Variants in SKAP2 observed in about 807,000 individuals in gnomAD.
SKAP2 encodes src kinase associated phosphoprotein 2.
SKAP2 carries 28 observed loss-of-function variants against 54.9 expected under a neutral mutation model. The observed-to-expected ratio is 0.51, with a 90% CI of 0.38 to 0.70. SKAP2 has a LOEUF of 0.70. SKAP2 is among the 30% of genes least tolerant of loss of function. The probability of loss-of-function intolerance (pLI) is 0.00; values close to 1 mark genes in which losing one functional copy is unlikely to be tolerated. For synonymous variants in SKAP2, 137 were observed against 134.3 expected, an observed-to-expected ratio of 1.02 and a Z score of -0.14; for missense variants, 356 against 424.1, an observed-to-expected ratio of 0.84 and a Z score of 1.41.
At chr7:26,848,761 A>G (rs897122712) in intron 3 of SKAP2, among the ~76,000 whole-genome samples, 2 of 152,222 alleles carry the variant, frequency 1.3e-5, no homozygotes, top group Admixed American at 6.5e-5. Context: ...ATACATAATT[A>G]AGCATTTAAC....
At chr7:26,861,553 C>T (rs190663077) in intron 1 of SKAP2, among the ~76,000 whole-genome samples, 22 of 150,124 alleles carry the variant, frequency 1.5e-4, no homozygotes, top group Admixed American at 2.7e-4. Flanking sequence ...AAAAATCAAA[C>T]TAGATAGCCA....
rs1189497136 is a variant in SKAP2, at chr7:26,851,247, G to A, written c.199+2890C>T. Among the ~76,000 whole-genome samples the A allele has an allele frequency of 6.0e-5, 6 of 99,748 alleles. No individual in the cohort carries two copies. The South Asian group carries it at 1.6e-3, about 27-fold the overall frequency. The allele number at this position is 99,748 out of a possible 152,430, so 65.4% of individuals were successfully genotyped here. Reference sequence around the variant, plus strand: ...AGTCTGTGACACGTGGCGAAACCCCGTTTTTACCAAAAAAAAAAAAAAAAA... The same window carrying A: ...AGTCTGTGACACGTGGCGAAACCCCATTTTTACCAAAAAAAAAAAAAAAAA... On this transcript the variant is annotated intron_variant, in intron 3 of 12. Transcript: ENST00000345317.
intron 4 of SKAP2, among the ~76,000 whole-genome samples, chr7:26,784,090 T>A (rs1018587448): frequency 6.6e-6 from 1 of 150,980 alleles, no homozygotes; most frequent in Non-Finnish European, 1.5e-5. Context: ...CCATCTCCAG[T>A]TAGGGAGGCA....
intron 9 of SKAP2, among the ~76,000 whole-genome samples, chr7:26,700,391 C>T (rs1214550430): frequency 6.6e-6 from 1 of 152,030 alleles, no homozygotes. Context: ...TCTTTATAGC[C>T]CATTAACTAT....
At chr7:26,834,263 C>T (rs764083112) in intron 4 of SKAP2, among the ~76,000 whole-genome samples, 31 of 152,156 alleles carry the variant, frequency 2.0e-4, no homozygotes, top group Non-Finnish European at 3.4e-4. Flanking sequence ...AATTGACAAC[C>T]TAACATCACA....
chr7:26,859,811 T>C (rs1006634879), intron 1 of SKAP2, among the ~76,000 whole-genome samples: 1 of 152,218 alleles, frequency 6.6e-6, no homozygotes, highest in Non-Finnish European at 1.5e-5. Context: ...GCATCTATTG[T>C]AATGTGTTCA....
At chr7:26,782,328 C>T (rs1385506461) in intron 4 of SKAP2, among the ~76,000 whole-genome samples, 4 of 152,172 alleles carry the variant, frequency 2.6e-5, no homozygotes, top group Admixed American at 6.5e-5. Context: ...TGTAAAGCTA[C>T]ATCAATTTAT....
intron 4 of SKAP2, among the ~76,000 whole-genome samples, chr7:26,762,088 G>A (rs538119404): frequency 2.0e-5 from 3 of 151,994 alleles, no homozygotes; most frequent in African/African-American, 7.3e-5. Flanking sequence ...CATTTCCCTG[G>A]TACATTTAAA....
chr7:26,756,583 T>C (rs1283662553), intron 4 of SKAP2, among the ~76,000 whole-genome samples: 1 of 152,228 alleles, frequency 6.6e-6, no homozygotes, highest in South Asian at 2.1e-4. Flanking sequence ...CTATCATCGA[T>C]GGACATTTGC....
chr7:26,714,761 T>C (rs865834458), intron 9 of SKAP2, among the ~76,000 whole-genome samples: 5 of 152,228 alleles, frequency 3.3e-5, no homozygotes, highest in African/African-American at 9.6e-5. Flanking sequence ...TGTACATATG[T>C]GTGTATTTTT....
intron 4 of SKAP2, among the ~76,000 whole-genome samples, chr7:26,765,200 T>C (rs1297626661): frequency 6.6e-6 from 1 of 152,218 alleles, no homozygotes; most frequent in African/African-American, 2.4e-5. Flanking sequence ...TATCTCATTG[T>C]GGTTTTGATT....
At position 26,738,880 on chromosome 7, in the gene SKAP2, T is replaced by C; in HGVS notation, c.386-2A>G. ...ATTCAAATCCCAGAAAGCTGTGATCTGCAATAAAGAGGGGAAAATGTAAGG... is the reference window on the plus strand; with the variant it reads ...ATTCAAATCCCAGAAAGCTGTGATCCGCAATAAAGAGGGGAAAATGTAAGG... On this transcript the variant is annotated splice_acceptor_variant, in intron 5 of 12. Transcript: ENST00000345317. LOFTEE classifies it high-confidence loss of function. 6.3e-7 allele frequency: 1 copy of C among 1,581,184 alleles called. No individual in the cohort carries two copies. The highest frequency in any genetic ancestry group is 1.1e-5 in the South Asian group (1 of 90,328).
In SKAP2 at chr7:26,669,144, T is replaced by C. The variant is rs1786177663; in HGVS notation, c.*522A>G. On this transcript the variant is annotated 3_prime_UTR_variant, in exon 13 of 13. Coordinates refer to ENST00000345317, the MANE Select transcript of SKAP2 (RefSeq NM_003930.5). ...AATGTGTGAAAATAAATAATAACAA[T>C]AAAGTTATCTATAAAGTTTGAACAT... is the stretch of plus-strand genomic sequence containing the variant. 2 of 152,164 alleles carry C rather than the reference T, an allele frequency of 1.3e-5. No individual in the cohort carries two copies. The highest frequency in any genetic ancestry group is 2.9e-5 in the Non-Finnish European group (2 of 68,018). The allele number at this position is 152,164 out of a possible 1,614,324, so 9.4% of individuals were successfully genotyped here. A position where few individuals can be genotyped will look rare whatever the true frequency, so the allele number is the denominator to read the frequency against.
At chr7:26,775,297 T>C (rs1441238846) in intron 4 of SKAP2, among the ~76,000 whole-genome samples, 1 of 152,180 alleles carries the variant, frequency 6.6e-6, no homozygotes, top group Non-Finnish European at 1.5e-5. Flanking sequence ...TCCCTGGCTA[T>C]TGTCCCTTCT....
At chr7:26,727,430 C>T (rs1464939718) in intron 6 of SKAP2, among the ~76,000 whole-genome samples, 2 of 152,092 alleles carry the variant, frequency 1.3e-5, no homozygotes, top group East Asian at 3.9e-4. Context: ...AGCACCACCA[C>T]CAAAAAGAAG....
chr7:26,699,591 G>C (rs555077965), intron 9 of SKAP2, among the ~76,000 whole-genome samples: 35 of 152,104 alleles, frequency 2.3e-4, no homozygotes, highest in African/African-American at 8.4e-4. Context: ...TCATTAGATA[G>C]TATTTTTTAA....
At chr7:26,857,310 TAAAAAAAA>T (rs59046895) in intron 1 of SKAP2, 95 of 91,224 alleles carry the variant, frequency 1.0e-3, no homozygotes, top group Admixed American at 1.8e-3. Flanking sequence ...CTGCTTTGCT[TAAAAAAAA>T]AAAAAAAAAA....
chr7:26,790,243 A>C (rs1177482703), intron 4 of SKAP2, among the ~76,000 whole-genome samples: 1 of 152,222 alleles, frequency 6.6e-6, no homozygotes, highest in Non-Finnish European at 1.5e-5. Context: ...TTTCAGACCC[A>C]ATCTACCCTT....
chr7:26,824,115 A>G (rs1199165697), intron 4 of SKAP2, among the ~76,000 whole-genome samples: 1 of 152,114 alleles, frequency 6.6e-6, no homozygotes, highest in Admixed American at 6.5e-5. Context: ...TCAATGAATC[A>G]ATCAATTCAT....
Sources: allele counts gnomAD v4.1 joint callset (sites outside exome capture counted in the v4.1 genomes callset), GRCh38; gene constraint gnomAD v4.1.1; transcripts MANE v1.5; gene names NCBI Gene and HGNC (gene_info 2026-07-23, HGNC 2026-07-21).